Variants in APBB2 observed in about 807,000 individuals in gnomAD.
APBB2 encodes amyloid beta precursor protein binding family B member 2, also known as Fe65-like 1.
In APBB2, 38 loss-of-function variants were observed where a neutral mutation model predicts 82.5. The ratio of observed to expected loss-of-function variants is 0.46; its 90% confidence interval spans 0.36 to 0.60. The LOEUF (loss-of-function observed/expected upper bound fraction) is 0.60. Among genes scored for constraint, APBB2 ranks in the 20% least tolerant of loss-of-function variants. The pLI is 0.00. For missense variants in APBB2, 772 were observed against 972.3 expected, an observed-to-expected ratio of 0.79 and a Z score of 2.74; for synonymous variants, 341 against 368.2, an observed-to-expected ratio of 0.93 and a Z score of 0.85.
chr4:40,881,534 C>CTTTTTCT (rs1392540056), intron 12 of APBB2: 16 of 145,086 alleles, frequency 1.1e-4, no homozygotes, highest in African/African-American at 4.5e-4. Context: ...TTTTCTTTTT[C>CTTTTTCT]TTTTTTTTTT....
intron 3 of APBB2, among the ~76,000 whole-genome samples, chr4:41,091,515 C>G (rs143866300): frequency 6.6e-6 from 1 of 152,116 alleles, no homozygotes; most frequent in African/African-American, 2.4e-5. Flanking sequence ...GACACTGTGG[C>G]CTTTTAGGGG....
At chr4:41,167,221 C>T (rs1766908787) in intron 1 of APBB2, among the ~76,000 whole-genome samples, 1 of 152,212 alleles carries the variant, frequency 6.6e-6, no homozygotes, top group Non-Finnish European at 1.5e-5. Flanking sequence ...CTCCCAGCAC[C>T]TCCGTGTGCT....
intron 12 of APBB2, chr4:40,881,295 C>A: frequency 1.0e-6 from 1 of 985,258 alleles, no homozygotes; most frequent in Non-Finnish European, 1.2e-6. Flanking sequence ...ATAGATTAAA[C>A]TTTCATCAGC....
chr4:41,151,808 G>A (rs1034060673), intron 1 of APBB2, among the ~76,000 whole-genome samples: 3 of 150,184 alleles, frequency 2.0e-5, no homozygotes, highest in African/African-American at 7.3e-5. Flanking sequence ...GTTTCTTTAT[G>A]TCTAGTATGA....
chr4:40,946,232 C>A (rs1395902691), intron 6 of APBB2, among the ~76,000 whole-genome samples: 93 of 78,662 alleles, frequency 1.2e-3, no homozygotes, highest in African/African-American at 1.5e-3. Flanking sequence ...ACTCTATCTC[C>A]AAAAAAAAAA....
intron 3 of APBB2, among the ~76,000 whole-genome samples, chr4:41,091,289 T>C (rs1262256989): frequency 6.6e-6 from 1 of 152,210 alleles, no homozygotes; most frequent in African/African-American, 2.4e-5. Context: ...TTGTTTAAAA[T>C]GCAATACAGT....
intron 10 of APBB2, among the ~76,000 whole-genome samples, chr4:40,905,434 C>T (rs987673695): frequency 2.0e-5 from 3 of 152,230 alleles, no homozygotes; most frequent in African/African-American, 4.8e-5. Context: ...ACACACAACA[C>T]GGAGCCAGGC....
intron 17 of APBB2, among the ~76,000 whole-genome samples, chr4:40,821,323 C>T (rs959642802): frequency 6.6e-6 from 1 of 152,188 alleles, no homozygotes; most frequent in African/African-American, 2.4e-5. Context: ...GGGCTGAATC[C>T]AGGCTCGGCT....
chr4:41,176,941 T>G (rs1769965626), intron 1 of APBB2, among the ~76,000 whole-genome samples: 1 of 151,766 alleles, frequency 6.6e-6, no homozygotes, highest in Non-Finnish European at 1.5e-5. Flanking sequence ...ATGCAAAATT[T>G]CACTGTCAAA....
At chr4:40,833,566 CT>C (rs34280592) in intron 12 of APBB2, among the ~76,000 whole-genome samples, 91,267 of 151,800 alleles carry the variant, frequency 0.6, 28,438 homozygotes, top group African/African-American at 0.68. Flanking sequence ...TATATCATAC[CT>C]TTTTGTAGTT....
intron 4 of APBB2, among the ~76,000 whole-genome samples, chr4:41,043,110 G>A (rs1228084932): frequency 6.6e-6 from 1 of 152,080 alleles, no homozygotes; most frequent in Non-Finnish European, 1.5e-5. Context: ...AGTCTCTACT[G>A]CTAACTGTTC....
intron 12 of APBB2, among the ~76,000 whole-genome samples, chr4:40,839,950 C>T (rs1755273478): frequency 6.6e-6 from 1 of 152,186 alleles, no homozygotes; most frequent in Admixed American, 6.5e-5. Flanking sequence ...CAGGCATGAG[C>T]CATTGCGCCT....
chr4:41,147,920 T>G (rs966109890), intron 1 of APBB2, among the ~76,000 whole-genome samples: 3 of 152,178 alleles, frequency 2.0e-5, no homozygotes, highest in African/African-American at 7.2e-5. Context: ...ATTTGTTTAA[T>G]TTTGGGAACC....
intron 1 of APBB2, among the ~76,000 whole-genome samples, chr4:41,190,291 G>A (rs964230181): frequency 4.3e-5 from 5 of 115,884 alleles, no homozygotes; most frequent in Admixed American, 1.3e-4. Flanking sequence ...TTGTTCCGTC[G>A]CCCAGGCTGG....
intron 4 of APBB2, among the ~76,000 whole-genome samples, chr4:41,057,024 C>A (rs1265055370): frequency 6.6e-6 from 1 of 152,130 alleles, no homozygotes; most frequent in East Asian, 1.9e-4. Context: ...GATCAACTTT[C>A]CCAAAAATTG....
intron 1 of APBB2, among the ~76,000 whole-genome samples, chr4:41,161,046 C>G (rs971440717): frequency 3.9e-5 from 6 of 152,002 alleles, no homozygotes; most frequent in Middle Eastern, 6.8e-3. Context: ...ACAGCATTAA[C>G]TTTGGGGATA....
rs1745075294 is a variant in APBB2 at position 40,814,348 on chromosome 4, T to C, written c.*1744A>G. ...CAATAGATCTTTCCATACCTGCTCT[T>C]CTTAGTATATGCCCAGAATCATTCT... is the stretch of plus-strand genomic sequence containing the variant. On this transcript the variant is annotated 3_prime_UTR_variant, in exon 18 of 18. Coordinates refer to ENST00000508593, the MANE Select transcript of APBB2 (RefSeq NM_004307.2). The C allele has an allele frequency of 6.7e-6, 1 of 150,038 alleles. No individual in the cohort carries two copies. The highest frequency in any genetic ancestry group is 1.5e-5 in the Non-Finnish European group (1 of 67,270). 9.3% of individuals were successfully genotyped at this position (150,038 alleles called of 1,614,324 possible).
chr4:40,936,352 G>A (rs912492703), intron 7 of APBB2, among the ~76,000 whole-genome samples: 2 of 152,192 alleles, frequency 1.3e-5, no homozygotes, highest in African/African-American at 4.8e-5. Context: ...CCTGGCTCAA[G>A]CAATCCTCCT....
rs79174965 is a variant in APBB2, at chr4:40,946,747, G to T, written c.836-1674C>A. ...GGATCAATTTTATTCTAAGGATTAG[G>T]CTGTTTCCTATGTGGCCATACAAAA... On this transcript the variant is annotated intron_variant, in intron 6 of 17. Transcript: ENST00000508593. Among the ~76,000 whole-genome samples the T allele has an allele frequency of 6.3e-3, 963 of 152,154 alleles. 59 individuals are homozygous for T. In the East Asian group the frequency reaches 0.15, roughly 24 times the overall value.
Sources: allele counts gnomAD v4.1 joint callset (sites outside exome capture counted in the v4.1 genomes callset), GRCh38; gene constraint gnomAD v4.1.1; transcripts MANE v1.5; gene names NCBI Gene and HGNC (gene_info 2026-07-23, HGNC 2026-07-21).